Variants in FAM168A observed in about 807,000 individuals in gnomAD.
The protein encoded by FAM168A is protein FAM168A.
FAM168A carries 3 observed loss-of-function variants against 28.5 expected under a neutral mutation model. The observed-to-expected ratio is 0.11, with a 90% CI of 0.05 to 0.27. The LOEUF is 0.27. Among genes scored for constraint, FAM168A ranks in the 10% least tolerant of loss-of-function variants. FAM168A has a pLI of 1.00. For synonymous variants in FAM168A, 122 were observed against 124.2 expected, an observed-to-expected ratio of 0.98 and a Z score of 0.12; for missense variants, 222 against 311.5, an observed-to-expected ratio of 0.71 and a Z score of 2.16.
At chr11:73,427,972 A>G (rs527343243) in intron 3 of FAM168A, among the ~76,000 whole-genome samples, 3 of 152,276 alleles carry the variant, frequency 2.0e-5, no homozygotes, top group Admixed American at 6.5e-5. Context: ...CCTGGTTAAG[A>G]ACCCTCCTTG....
chr11:73,517,454 C>A (rs1943319137), intron 1 of FAM168A, among the ~76,000 whole-genome samples: 1 of 151,892 alleles, frequency 6.6e-6, no homozygotes, highest in African/African-American at 2.4e-5. Flanking sequence ...GCTATTTGCT[C>A]TTTTTACTAT....
chr11:73,443,177 T>C (rs1867235762), intron 2 of FAM168A, among the ~76,000 whole-genome samples: 1 of 151,758 alleles, frequency 6.6e-6, no homozygotes, highest in Non-Finnish European at 1.5e-5. Flanking sequence ...AGTTGTAGGC[T>C]GGAAAGCCAA....
Position 73,586,909 on chromosome 11 carries a change from T to C in FAM168A, c.-19+11014A>G, listed in dbSNP as rs931916999. Among the ~76,000 whole-genome samples the C allele has an allele frequency of 5.3e-5, 8 of 152,198 alleles. No homozygotes were observed. The South Asian group carries it at 6.2e-4, about 12-fold the overall frequency. ...TTAATTTTCTAACATCCTGACAAAA[T>C]TGTGAAACTGTTCAACTCTAAAGTT... On this transcript the variant is annotated intron_variant, in intron 1 of 7. Transcript: ENST00000356467.
At chr11:73,560,065 T>C (rs918198467) in intron 1 of FAM168A, among the ~76,000 whole-genome samples, 2 of 152,126 alleles carry the variant, frequency 1.3e-5, no homozygotes, top group Non-Finnish European at 2.9e-5. Flanking sequence ...AAGGTTTTTT[T>C]CTTGTTGTTG....
chr11:73,502,677 T>A (rs1391098446), intron 1 of FAM168A, among the ~76,000 whole-genome samples: 1 of 151,996 alleles, frequency 6.6e-6, no homozygotes, highest in African/African-American at 2.4e-5. Flanking sequence ...ATACCAAAAC[T>A]GGGAAGAGAC....
At chr11:73,468,691 G>A (rs1370647191) in intron 1 of FAM168A, among the ~76,000 whole-genome samples, 199 bp from the exon 2 acceptor site, 1 of 152,208 alleles carries the variant, frequency 6.6e-6, no homozygotes, top group African/African-American at 2.4e-5. Flanking sequence ...AAGATAGTAA[G>A]GAGCAAGGAA....
intron 2 of FAM168A, among the ~76,000 whole-genome samples, chr11:73,450,047 CA>C (rs1054486107): frequency 2.7e-4 from 41 of 152,124 alleles, no homozygotes; most frequent in Non-Finnish European, 2.9e-5. Flanking sequence ...TTTTAGGGGC[CA>C]ATTATTTAGT....
At chr11:73,474,233 A>G (rs887227206) in intron 1 of FAM168A, among the ~76,000 whole-genome samples, 2 of 152,184 alleles carry the variant, frequency 1.3e-5, no homozygotes, top group African/African-American at 4.8e-5. Context: ...GAAGTCCAAG[A>G]TCAAGGGGAC....
chr11:73,434,124 G>A (rs886157745), intron 2 of FAM168A, among the ~76,000 whole-genome samples: 3 of 147,622 alleles, frequency 2.0e-5, no homozygotes, highest in East Asian at 2.1e-4. Flanking sequence ...GATTACAGGC[G>A]TGAGCTATCG....
intron 2 of FAM168A, among the ~76,000 whole-genome samples, chr11:73,457,723 CAAAAAAAAAAAAAAA>C (rs58142151): frequency 4.3e-3 from 162 of 37,546 alleles, no homozygotes; most frequent in African/African-American, 7.8e-3. Context: ...GCCTGGGTGA[CAAAAAAAAAAAAAAA>C]AAAAAAAAAA....
At chr11:73,448,858 G>C (rs980270496) in intron 2 of FAM168A, among the ~76,000 whole-genome samples, 3 of 152,152 alleles carry the variant, frequency 2.0e-5, no homozygotes, top group Non-Finnish European at 2.9e-5. Context: ...AATGTCACCT[G>C]CCACTGACCT....
chr11:73,492,008 C>A (rs1326915970), intron 1 of FAM168A, among the ~76,000 whole-genome samples: 1 of 152,168 alleles, frequency 6.6e-6, no homozygotes, highest in East Asian at 1.9e-4. Context: ...ATGCTAAAAA[C>A]CAAAGAAATA....
intron 1 of FAM168A, among the ~76,000 whole-genome samples, chr11:73,470,433 C>T (rs1006479049): frequency 4.6e-5 from 7 of 152,116 alleles, no homozygotes; most frequent in Admixed American, 2.6e-4. Flanking sequence ...CCAGAAAGCA[C>T]GTGCTGGAAG....
chr11:73,487,435 C>T (rs1868067434), intron 1 of FAM168A, among the ~76,000 whole-genome samples: 1 of 152,180 alleles, frequency 6.6e-6, no homozygotes, highest in Non-Finnish European at 1.5e-5. Context: ...AGTTCTGAAT[C>T]TCACATCATC....
At chr11:73,512,293 C>T (rs1021564634) in intron 1 of FAM168A, among the ~76,000 whole-genome samples, 7 of 152,100 alleles carry the variant, frequency 4.6e-5, no homozygotes, top group African/African-American at 1.4e-4. Flanking sequence ...ATTATACCTA[C>T]ATTTTTTATG....
At chr11:73,571,220 T>TCCCCCCCCCCCCCCC (rs1944082256) in intron 1 of FAM168A, among the ~76,000 whole-genome samples, 1 of 79,908 alleles carries the variant, frequency 1.3e-5, no homozygotes, top group Admixed American at 1.2e-4. Context: ...AAACTCTCCC[T>TCCCCCCCCCCCCCCC]CTCCCCCTCC....
intron 1 of FAM168A, among the ~76,000 whole-genome samples, chr11:73,544,915 T>A (rs1277901): frequency 1.1e-5 from 1 of 92,606 alleles, no homozygotes; most frequent in African/African-American, 4.9e-5. Context: ...ATAATATATA[T>A]TATATATAAT....
chr11:73,445,117 G>A (rs754521736), intron 2 of FAM168A, among the ~76,000 whole-genome samples: 4 of 152,054 alleles, frequency 2.6e-5, no homozygotes, highest in Non-Finnish European at 5.9e-5. Flanking sequence ...AAATTAGCTG[G>A]GCGTGGTGGT....
intron 1 of FAM168A, among the ~76,000 whole-genome samples, chr11:73,535,622 T>G (rs1943569419): frequency 6.6e-6 from 1 of 151,868 alleles, no homozygotes; most frequent in African/African-American, 2.4e-5. Context: ...GGTTTCACTG[T>G]GTTAGCCAGG....
Sources: allele counts gnomAD v4.1 joint callset (sites outside exome capture counted in the v4.1 genomes callset), GRCh38; gene constraint gnomAD v4.1.1; transcripts MANE v1.5; gene names NCBI Gene and HGNC (gene_info 2026-07-23, HGNC 2026-07-21).